PDE10A: variants seen among roughly 807,000 people sequenced by gnomAD.
PDE10A encodes the protein phosphodiesterase 10A.
A neutral mutation model predicts 97.7 loss-of-function variants in PDE10A; 39 were observed. The ratio of observed to expected loss-of-function variants is 0.40; its 90% CI spans 0.31 to 0.52. The LOEUF is 0.52. PDE10A is among the 20% of genes least tolerant of loss of function. The pLI is 0.56. For synonymous variants in PDE10A, 371 were observed against 376.8 expected (o/e 0.98, Z 0.18); for missense variants, 731 against 1,047.8 (o/e 0.70, Z 4.17).
At chr6:165,901,473 C>A (rs1782104021) in intron 1 of PDE10A, among the ~76,000 whole-genome samples, 1 of 152,208 alleles carries the variant, frequency 6.6e-6, no homozygotes, top group Non-Finnish European at 1.5e-5. Flanking sequence ...CTCCACCTCC[C>A]CTGCCTCTCA....
At chr6:165,534,701 T>A (rs1461513159) in intron 2 of PDE10A, among the ~76,000 whole-genome samples, 2 of 152,066 alleles carry the variant, frequency 1.3e-5, no homozygotes, top group Admixed American at 1.3e-4. Flanking sequence ...AGAAAGCATA[T>A]GATCATTTGA....
At chr6:165,749,694 A>C (rs2128455711) in intron 1 of PDE10A, among the ~76,000 whole-genome samples, 2 of 152,342 alleles carry the variant, frequency 1.3e-5, no homozygotes, top group Middle Eastern at 3.4e-3. Flanking sequence ...CCCCCAATCT[A>C]ATTTTTTAAA....
intron 13 of PDE10A, among the ~76,000 whole-genome samples, chr6:165,409,305 G>C (rs1427816574): frequency 6.6e-6 from 1 of 152,178 alleles, no homozygotes; most frequent in African/African-American, 2.4e-5. Context: ...CCAGCACTTT[G>C]GGAGGCCGAG....
chr6:165,758,551 A>AAGAAGAAGAG, intron 1 of PDE10A, among the ~76,000 whole-genome samples: 1 of 89,120 alleles, frequency 1.1e-5, no homozygotes, highest in East Asian at 2.2e-4. Flanking sequence ...AAGAGGAAGA[A>AAGAAGAAGAG]GAAGAGGAAG....
chr6:165,542,577 T>C (rs548488355), intron 2 of PDE10A, among the ~76,000 whole-genome samples: 1 of 151,686 alleles, frequency 6.6e-6, no homozygotes, highest in African/African-American at 2.4e-5. Flanking sequence ...CTTTTCTCAT[T>C]TCATGAGTGT....
chr6:165,801,487 G>A (rs1191928494), intron 1 of PDE10A, among the ~76,000 whole-genome samples: 3 of 152,190 alleles, frequency 2.0e-5, no homozygotes, highest in Non-Finnish European at 4.4e-5. Context: ...AGAGGTTGTG[G>A]TGAGCCAAGA....
intron 1 of PDE10A, among the ~76,000 whole-genome samples, chr6:165,695,957 G>A (rs1342056025): frequency 6.6e-6 from 1 of 152,228 alleles, no homozygotes; most frequent in East Asian, 1.9e-4. Context: ...CAGCAAGGCA[G>A]TTAGTGGGGT....
At chr6:165,599,463 C>A (rs952474744) in intron 1 of PDE10A, among the ~76,000 whole-genome samples, 7 of 152,166 alleles carry the variant, frequency 4.6e-5, no homozygotes, top group African/African-American at 1.7e-4. Flanking sequence ...CATTTTCTCA[C>A]CAGTCTCTCT....
chr6:165,608,988 T>A (rs1449683837), intron 1 of PDE10A, among the ~76,000 whole-genome samples: 1 of 152,200 alleles, frequency 6.6e-6, no homozygotes, highest in African/African-American at 2.4e-5. Context: ...GTTTGAGTTC[T>A]TTGTAGATTC....
intron 1 of PDE10A, among the ~76,000 whole-genome samples, chr6:165,769,443 G>C (rs2128459566): frequency 6.6e-6 from 1 of 152,194 alleles, no homozygotes; most frequent in Middle Eastern, 3.4e-3. Context: ...TGAAAAGTTG[G>C]GGTATAGCTC....
At chr6:165,559,673 C>T (rs536397649) in intron 1 of PDE10A, among the ~76,000 whole-genome samples, 2 of 152,136 alleles carry the variant, frequency 1.3e-5, no homozygotes, top group African/African-American at 2.4e-5. Flanking sequence ...TATGGTTTGG[C>T]TCTGTGTCCC....
intron 18 of PDE10A, among the ~76,000 whole-genome samples, chr6:165,347,625 T>C (rs1782402706): frequency 6.6e-6 from 1 of 152,214 alleles, no homozygotes; most frequent in Admixed American, 6.5e-5. Context: ...TAACAACCTT[T>C]ACATGGTCTC....
At chr6:165,550,245 C>T (rs1183300694) in intron 1 of PDE10A, among the ~76,000 whole-genome samples, 4 of 152,160 alleles carry the variant, frequency 2.6e-5, no homozygotes, top group African/African-American at 9.7e-5. Context: ...CATTATCTCA[C>T]AGTAACTAAA....
At chr6:165,628,402 A>G (rs1487043075) in intron 1 of PDE10A, among the ~76,000 whole-genome samples, 5 of 151,954 alleles carry the variant, frequency 3.3e-5, no homozygotes, top group Admixed American at 3.3e-4. Flanking sequence ...CCTAGGCTAG[A>G]GGGCAGTGAC....
intron 1 of PDE10A, among the ~76,000 whole-genome samples, chr6:165,639,899 C>T (rs1583695225): frequency 2.6e-5 from 4 of 152,090 alleles, no homozygotes; most frequent in Admixed American, 2.6e-4. Flanking sequence ...GAGACCTTGT[C>T]TTCTATAGAG....
At chr6:165,712,646 T>C (rs1791926092) in intron 1 of PDE10A, among the ~76,000 whole-genome samples, 1 of 141,958 alleles carries the variant, frequency 7.0e-6, no homozygotes, top group Non-Finnish European at 1.5e-5. Flanking sequence ...TTTTTTTTTT[T>C]TTTTTTTTTT....
chr6:165,978,561 T>C (rs878985891), intron 1 of PDE10A, among the ~76,000 whole-genome samples: 1 of 152,252 alleles, frequency 6.6e-6, no homozygotes, highest in Admixed American at 6.5e-5. Context: ...AACTTGAGTC[T>C]AATCACTAAG....
chr6:165,758,511 A>C (rs371649490), intron 1 of PDE10A, among the ~76,000 whole-genome samples: 2 of 32,828 alleles, frequency 6.1e-5, no homozygotes, highest in Non-Finnish European at 1.3e-4. Flanking sequence ...AGAAAGAAGA[A>C]AGAAGAAGAA....
At chr6:165,421,726 C>T (rs1032803867) in intron 10 of PDE10A, among the ~76,000 whole-genome samples, 18 of 152,082 alleles carry the variant, frequency 1.2e-4, no homozygotes, top group Admixed American at 1.1e-3. Flanking sequence ...AATGTTATTT[C>T]ATATGTCAAA....
Sources: allele counts gnomAD v4.1 joint callset (sites outside exome capture counted in the v4.1 genomes callset), GRCh38; gene constraint gnomAD v4.1.1; transcripts MANE v1.5; gene names NCBI Gene and HGNC (gene_info 2026-07-23, HGNC 2026-07-21).